Variants in TACC2 observed in about 807,000 individuals in gnomAD.
The protein encoded by TACC2 is transforming acidic coiled-coil containing protein 2, also known as transforming acidic coiled-coil-containing protein 2.
A neutral mutation model predicts 227.3 loss-of-function variants in TACC2; 137 were observed. The ratio of observed to expected loss-of-function variants is 0.60; its 90% CI spans 0.52 to 0.69. The LOEUF (loss-of-function observed/expected upper bound fraction) is 0.69, where lower values mean the gene tolerates loss of function less well. Ranked by LOEUF, TACC2 falls within the 30% of genes least tolerant of loss-of-function variation. TACC2 has a pLI of 0.00. For synonymous variants in TACC2, 1,523 were observed against 1,487.5 expected, an observed-to-expected ratio of 1.02 and a Z score of -0.55; for missense variants, 3,470 against 3,694.4, an observed-to-expected ratio of 0.94 and a Z score of 1.57.
intron 2 of TACC2, among the ~76,000 whole-genome samples, chr10:122,026,533 C>T (rs866488003): frequency 6.6e-6 from 1 of 151,786 alleles, no homozygotes; most frequent in African/African-American, 2.4e-5. Flanking sequence ...GTGAGGTACA[C>T]GATTTAGGTA....
intron 11 of TACC2, among the ~76,000 whole-genome samples, chr10:122,219,212 T>G (rs903250232): frequency 2.0e-5 from 3 of 150,578 alleles, no homozygotes; most frequent in African/African-American, 7.3e-5. Flanking sequence ...GGAACACCCT[T>G]CCCCCCACCC....
intron 22 of TACC2, among the ~76,000 whole-genome samples, chr10:122,252,204 G>A (rs535232127): frequency 1.3e-5 from 2 of 152,330 alleles, no homozygotes; most frequent in South Asian, 2.1e-4. Flanking sequence ...TAATGGCAAA[G>A]CCATATAGGA....
chr10:122,158,750 TC>T (rs1481375465), intron 7 of TACC2, among the ~76,000 whole-genome samples: 4 of 152,274 alleles, frequency 2.6e-5, no homozygotes, highest in African/African-American at 9.6e-5. Flanking sequence ...CCACTTAGAC[TC>T]CCAGAGGTGA....
rs80083434 is a variant in TACC2, at chr10:122,208,028, A to T, written c.5972-2369A>T. ...AGAGGAGGTCACGGCTGGTGGGAGG[A>T]TGGGGTACTTGAGAGTACTAGGGCC... On this transcript the variant is annotated intron_variant, in intron 8 of 22. Transcript: ENST00000369005. Among the ~76,000 whole-genome samples the T allele has an allele frequency of 2.4e-3, 359 of 152,170 alleles. 12 individuals are homozygous for T. In the East Asian group the frequency reaches 0.065, roughly 27 times the overall value.
chr10:122,215,275 G>A (rs144490165), intron 9 of TACC2, 116 bp from the exon 10 acceptor site: 174 of 865,634 alleles, frequency 2.0e-4, no homozygotes, highest in South Asian at 3.2e-4. Flanking sequence ...ACAGAGGTGG[G>A]AGGGTGGCCT....
chr10:122,133,071 C>G (rs545512346), intron 6 of TACC2, among the ~76,000 whole-genome samples: 2 of 152,292 alleles, frequency 1.3e-5, no homozygotes, highest in African/African-American at 4.8e-5. Context: ...AGAGAACGTG[C>G]TACTTCTCCT....
At chr10:122,245,899 A>G (rs2096105035) in intron 19 of TACC2, among the ~76,000 whole-genome samples, 1 of 152,174 alleles carries the variant, frequency 6.6e-6, no homozygotes, top group African/African-American at 2.4e-5. Context: ...GGTCACTCGT[A>G]TGGAAAGTGT....
chr10:122,155,018 C>T (rs1008525568), intron 7 of TACC2, among the ~76,000 whole-genome samples: 6 of 152,186 alleles, frequency 3.9e-5, no homozygotes, highest in Admixed American at 6.5e-5. Flanking sequence ...TGCGGGCAGG[C>T]GTGGGAAGAA....
intron 1 of TACC2, among the ~76,000 whole-genome samples, chr10:122,019,170 G>A (rs762045749): frequency 1.6e-4 from 24 of 152,230 alleles, no homozygotes; most frequent in Non-Finnish European, 1.2e-4. Context: ...CTCCATCCAG[G>A]GTGGGCCGGC....
intron 10 of TACC2, among the ~76,000 whole-genome samples, chr10:122,215,793 G>A (rs948415264): frequency 3.9e-5 from 6 of 152,182 alleles, no homozygotes; most frequent in Non-Finnish European, 2.9e-5. Context: ...GCAGTGAGAA[G>A]GTGAAGAAAC....
chr10:121,989,599 T>TC (rs1398333471), intron 1 of TACC2, 111 bp downstream of exon 1: 2 of 152,202 alleles, frequency 1.3e-5, no homozygotes, highest in Non-Finnish European at 2.9e-5. Flanking sequence ...GGGAGCACCA[T>TC]CACTCAAGGT....
chr10:122,008,393 C>G (rs187030462), intron 1 of TACC2, among the ~76,000 whole-genome samples: 3 of 149,624 alleles, frequency 2.0e-5, no homozygotes, highest in Non-Finnish European at 4.5e-5. Flanking sequence ...CTCGAGTAGC[C>G]GGGATTACAG....
intron 1 of TACC2, among the ~76,000 whole-genome samples, chr10:121,999,945 G>T (rs1315564381): frequency 2.6e-5 from 4 of 152,212 alleles, no homozygotes; most frequent in Non-Finnish European, 5.9e-5. Flanking sequence ...CTAGGAGCCA[G>T]GAGTAGTGGT....
Position 122,194,964 on chromosome 10 carries a change from G to A in TACC2, c.5835-76G>A. On this transcript the variant is annotated intron_variant, in intron 7 of 22. Coordinates refer to ENST00000369005, the MANE Select transcript of TACC2 (RefSeq NM_206862.4). This position sits in a 1 kb window ranked among gnomAD's most constrained non-coding sequence, Gnocchi z 4.4. ...AGCGAGCCAGAACCCACTGGCTCTGGGTGCGAAGGCCACACCGGCTCAGCA... is the reference window on the plus strand; with the variant it reads ...AGCGAGCCAGAACCCACTGGCTCTGAGTGCGAAGGCCACACCGGCTCAGCA... The A allele has an allele frequency of 6.7e-7, 1 of 1,489,902 alleles. No homozygotes were observed. Among genetic ancestry groups the A allele is most frequent in the Admixed American group, 2.0e-5 (1 of 49,734 alleles). 92.3% of individuals were successfully genotyped at this position (1,489,902 alleles called of 1,614,324 possible). A position where few individuals can be genotyped will look rare whatever the true frequency, so the allele number is the denominator to read the frequency against.
intron 3 of TACC2, among the ~76,000 whole-genome samples, chr10:122,064,796 T>C (rs1274329197): frequency 6.6e-6 from 1 of 152,208 alleles, no homozygotes; most frequent in Non-Finnish European, 1.5e-5. Context: ...AGTGTCTCTA[T>C]AGTTTTGTTC....
chr10:122,224,435 G>A (rs545216065), intron 11 of TACC2, among the ~76,000 whole-genome samples: 4 of 152,266 alleles, frequency 2.6e-5, no homozygotes, highest in Admixed American at 2.0e-4. Flanking sequence ...GCTCAGGTCT[G>A]GCCACACTTG....
intron 7 of TACC2, among the ~76,000 whole-genome samples, chr10:122,149,985 A>G (rs941618457): frequency 7.9e-5 from 12 of 152,152 alleles, no homozygotes; most frequent in Non-Finnish European, 1.5e-4. Flanking sequence ...CAGTCTCCGA[A>G]ATGTGAGCTG....
chr10:122,160,001 G>A (rs1381071999), intron 7 of TACC2, among the ~76,000 whole-genome samples: 1 of 152,102 alleles, frequency 6.6e-6, no homozygotes, highest in Non-Finnish European at 1.5e-5. Context: ...AACCTCTGTG[G>A]GACTGAAGAG....
chr10:121,995,293 C>T (rs1590831681), intron 1 of TACC2, among the ~76,000 whole-genome samples: 1 of 152,208 alleles, frequency 6.6e-6, no homozygotes, highest in Admixed American at 6.5e-5. Context: ...TCAGTTATAA[C>T]TGAATCATCA....
Sources: allele counts gnomAD v4.1 joint callset (sites outside exome capture counted in the v4.1 genomes callset), GRCh38; gene constraint gnomAD v4.1.1; non-coding constraint Gnocchi (gnomAD v3.1); transcripts MANE v1.5; gene names NCBI Gene and HGNC (gene_info 2026-07-23, HGNC 2026-07-21).